The following ARHGAP15 variants were observed in gnomAD, a reference collection of about 807,000 sequenced individuals.
ARHGAP15 encodes Rho GTPase activating protein 15.
A neutral mutation model predicts 63.7 loss-of-function variants in ARHGAP15; 51 were observed. The ratio of observed to expected loss-of-function variants is 0.80; its 90% CI spans 0.64 to 1.01. The LOEUF (loss-of-function observed/expected upper bound fraction) is 1.01, where lower values mean the gene tolerates loss of function less well. ARHGAP15 is among the 50% of genes least tolerant of loss of function. ARHGAP15 has a pLI of 0.00. For synonymous variants in ARHGAP15, 191 were observed against 193.8 expected (o/e 0.99, Z 0.12); for missense variants, 560 against 564.6 (o/e 0.99, Z 0.08).
At position 143,768,156 on chromosome 2, in the gene ARHGAP15, G is replaced by A; in HGVS notation, c.1412G>A (p.Gly471Asp). The A allele has an allele frequency of 4.3e-6, 7 of 1,613,338 alleles. No individual in the cohort carries two copies. The highest frequency in any genetic ancestry group is 5.1e-6 in the Non-Finnish European group (6 of 1,179,518). Residue 471 changes from glycine (G) to aspartate (D), a missense_variant, in exon 14 of 14, where the codon GGC becomes GAC. Transcript: ENST00000295095. ...CTGAGTGAGTACAGTAAGATCTTCG[G>A]CTCAGAGGAAGACTGACAGACAAGA... ...LMLSEYSKIF[G>D]SEED
chr2:143,385,224 G>A (rs1044265488), intron 6 of ARHGAP15, among the ~76,000 whole-genome samples: 1 of 152,060 alleles, frequency 6.6e-6, no homozygotes, highest in Non-Finnish European at 1.5e-5. Context: ...GTTGACACAT[G>A]CAGTTATTTA....
At chr2:143,501,103 A>T (rs1321431751) in intron 9 of ARHGAP15, among the ~76,000 whole-genome samples, 4 of 152,200 alleles carry the variant, frequency 2.6e-5, no homozygotes, top group Admixed American at 2.6e-4. Flanking sequence ...TCACATAACA[A>T]GAGACTGAGA....
rs1419291351 is a variant in ARHGAP15 at position 143,287,547 on chromosome 2, T to A, written c.474+36947T>A. 1.3e-5 allele frequency among the ~76,000 whole-genome samples: 2 copies of A among 152,082 alleles called. 1 individual carries two copies. The highest frequency in any genetic ancestry group is 6.3e-3 in the Middle Eastern group (2 of 316). ...GAGTCCCAGCGCGGTACCTCACGCC[T>A]GTAATCCCAGCACTTTGGGAGGCCG... On this transcript the variant is annotated intron_variant, in intron 6 of 13. Coordinates refer to ENST00000295095, the MANE Select transcript of ARHGAP15 (RefSeq NM_018460.4).
chr2:143,376,690 A>T (rs1293225311), intron 6 of ARHGAP15, among the ~76,000 whole-genome samples: 1 of 151,854 alleles, frequency 6.6e-6, no homozygotes, highest in Non-Finnish European at 1.5e-5. Flanking sequence ...TTAATATTAT[A>T]ATAATTTAAT....
chr2:143,271,381 A>G (rs567528050), intron 6 of ARHGAP15, among the ~76,000 whole-genome samples: 8 of 152,322 alleles, frequency 5.3e-5, no homozygotes, highest in African/African-American at 1.9e-4. Flanking sequence ...ACCCAGATAA[A>G]CATTTTCTCC....
chr2:143,336,832 AT>A (rs1255410659), intron 6 of ARHGAP15, among the ~76,000 whole-genome samples: 1 of 152,072 alleles, frequency 6.6e-6, no homozygotes, highest in African/African-American at 2.4e-5. Context: ...TTATTGTCAC[AT>A]TTCAGTTTTA....
chr2:143,286,670 A>G (rs1682119651), intron 6 of ARHGAP15, among the ~76,000 whole-genome samples: 2 of 152,228 alleles, frequency 1.3e-5, no homozygotes, highest in South Asian at 4.1e-4. Context: ...CTATACAGGA[A>G]TCAAAGGATT....
chr2:143,726,908 T>C lies in ARHGAP15; in HGVS notation c.1244+23384T>C, dbSNP rs571107462. Among the ~76,000 whole-genome samples, 4 of 152,272 alleles carry C rather than the reference T, an allele frequency of 2.6e-5. 1 individual carries two copies. The East Asian group carries it at 7.7e-4, about 29-fold the overall frequency. On this transcript the variant is annotated intron_variant, in intron 13 of 13. Transcript: ENST00000295095. ...GATAAAGGGCCTTAACTGCAGCCAA[T>C]AGCAAAAGGCAAACCTGGATAGCAC...
intron 11 of ARHGAP15, among the ~76,000 whole-genome samples, chr2:143,560,600 T>C (rs6750323): frequency 0.31 from 47,753 of 152,160 alleles, 8,042 homozygotes; most frequent in East Asian, 0.42. Context: ...AGTCTTTTCA[T>C]GCTACACACG....
At chr2:143,755,149 C>T (rs1435953227) in intron 13 of ARHGAP15, among the ~76,000 whole-genome samples, 5 of 152,122 alleles carry the variant, frequency 3.3e-5, no homozygotes, top group Admixed American at 3.3e-4. Context: ...GTTCAACCTT[C>T]CATCCAATAC....
At chr2:143,682,981 C>T (rs1365026986) in intron 12 of ARHGAP15, 1 of 152,098 alleles carries the variant, frequency 6.6e-6, no homozygotes, top group African/African-American at 2.4e-5. Flanking sequence ...TGTAATTTTA[C>T]GTTTATTTTG....
chr2:143,301,101 A>G (rs1375927224), intron 6 of ARHGAP15, among the ~76,000 whole-genome samples: 2 of 151,934 alleles, frequency 1.3e-5, no homozygotes, highest in African/African-American at 4.8e-5. Context: ...AAATAAGTGA[A>G]CATGACAAGA....
At chr2:143,470,544 T>A (rs1231715823) in intron 8 of ARHGAP15, among the ~76,000 whole-genome samples, 7 of 145,718 alleles carry the variant, frequency 4.8e-5, no homozygotes, top group South Asian at 2.2e-4. Context: ...ATATATATAT[T>A]TCATTCTGGG....
At chr2:143,157,128 A>C (rs1374152234) in intron 2 of ARHGAP15, among the ~76,000 whole-genome samples, 32 of 151,946 alleles carry the variant, frequency 2.1e-4, no homozygotes, top group Admixed American at 2.1e-3. Context: ...TCCATCTCTC[A>C]ATGAATTATC....
chr2:143,248,845 G>GT (rs1030113466), intron 5 of ARHGAP15, among the ~76,000 whole-genome samples: 30 of 152,106 alleles, frequency 2.0e-4, no homozygotes, highest in African/African-American at 6.3e-4. Context: ...TTGTACGTAG[G>GT]TAAGTACCTG....
Position 143,338,459 on chromosome 2 carries a change from T to G in ARHGAP15, c.474+87859T>G, listed in dbSNP as rs561283760. Among the ~76,000 whole-genome samples the G allele has an allele frequency of 2.0e-4, 30 of 152,304 alleles. No homozygotes were observed. In the South Asian group the frequency reaches 6.2e-3, roughly 32 times the overall value. On this transcript the variant is annotated intron_variant, in intron 6 of 13. Coordinates refer to ENST00000295095, the MANE Select transcript of ARHGAP15 (RefSeq NM_018460.4). ...AGACTAGAATTTGTTAGTGCAAGCC[T>G]ATGTGACATTAAAATACAATGTGTG...
intron 12 of ARHGAP15, among the ~76,000 whole-genome samples, chr2:143,649,620 G>A (rs1298564177): frequency 6.6e-6 from 1 of 151,802 alleles, no homozygotes; most frequent in East Asian, 1.9e-4. Flanking sequence ...CCAACTTCTG[G>A]GAGAAAAAGC....
At chr2:143,457,617 A>C (rs1198271155) in intron 8 of ARHGAP15, among the ~76,000 whole-genome samples, 1 of 150,694 alleles carries the variant, frequency 6.6e-6, no homozygotes. Context: ...TTATACTATA[A>C]ATACAAATAT....
intron 6 of ARHGAP15, among the ~76,000 whole-genome samples, chr2:143,251,832 A>G (rs1287197887): frequency 2.0e-5 from 3 of 152,098 alleles, no homozygotes; most frequent in Admixed American, 2.0e-4. Flanking sequence ...GTGGCTTTAC[A>G]GAATCAAGAA....
Sources: allele counts gnomAD v4.1 joint callset (sites outside exome capture counted in the v4.1 genomes callset), GRCh38; gene constraint gnomAD v4.1.1; transcripts MANE v1.5; gene names NCBI Gene and HGNC (gene_info 2026-07-23, HGNC 2026-07-21).